CD300LB: variants seen among roughly 807,000 people sequenced by gnomAD.
The protein encoded by CD300LB is CMRF35-like molecule 7.
Under a neutral mutation model 20.8 loss-of-function variants are expected in CD300LB, and 18 were observed. The ratio of observed to expected loss-of-function variants is 0.87; its 90% CI spans 0.60 to 1.28. The LOEUF is 1.28. Among genes scored for constraint, CD300LB ranks in the 50% most tolerant of loss-of-function variants. The pLI, the probability that CD300LB is intolerant of heterozygous loss-of-function variation, is 0.00. For synonymous variants in CD300LB, 91 were observed against 91.3 expected (o/e 1.00, Z 0.02); for missense variants, 222 against 251.8 (o/e 0.88, Z 0.80).
chr17:74,527,125 A>G (rs953514454), intron 1 of CD300LB, among the ~76,000 whole-genome samples: 2 of 152,230 alleles, frequency 1.3e-5, no homozygotes, highest in Non-Finnish European at 2.9e-5. Context: ...ACTCTTCTTC[A>G]GTATTTTTTT....
At chr17:74,530,283 GT>G (rs1182449452) in intron 1 of CD300LB, among the ~76,000 whole-genome samples, 1 of 152,166 alleles carries the variant, frequency 6.6e-6, no homozygotes, top group Non-Finnish European at 1.5e-5. Flanking sequence ...ATTCTAGATT[GT>G]CCCCTAATGC....
chr17:74,523,566 C>G lies in CD300LB; in HGVS notation c.443+13G>C. 6.3e-7 allele frequency: 1 copy of G among 1,598,614 alleles called. No individual in the cohort carries two copies. The highest frequency in any genetic ancestry group is 8.6e-7 in the Non-Finnish European group (1 of 1,165,856). On this transcript the variant is annotated intron_variant, in intron 3 of 3. Coordinates refer to ENST00000392621, the MANE Select transcript of CD300LB (RefSeq NM_174892.4). Reference sequence around the variant, plus strand: ...CCCCAGGTAGGGGCAGGAGAAAGAACCACATGACTCACCTCTTGTGGGAGC... The same window carrying G: ...CCCCAGGTAGGGGCAGGAGAAAGAAGCACATGACTCACCTCTTGTGGGAGC...
chr17:74,523,187 A>G, intron 3 of CD300LB: 1 of 513,100 alleles, frequency 1.9e-6, no homozygotes, highest in Non-Finnish European at 3.5e-6. Flanking sequence ...CACCAAATAC[A>G]GGTTGTGTTT....
In CD300LB at chr17:74,521,799, G is replaced by A. The variant is rs111284272; in HGVS notation, c.*939C>T. ...GGGTCCCTCAACCATACAGCACAAA[G>A]TGACCACATTCAAGGGCCTCATCGC... On this transcript the variant is annotated 3_prime_UTR_variant, in exon 4 of 4. Transcript: ENST00000392621. 1 of 985,546 alleles carries A rather than the reference G, an allele frequency of 1.0e-6. No individual in the cohort carries two copies. Among genetic ancestry groups the A allele is most frequent in the Non-Finnish European group, 1.2e-6 (1 of 830,008 alleles). 61.1% of individuals were successfully genotyped at this position (985,546 alleles called of 1,614,324 possible).
Position 74,521,342 on chromosome 17 carries a change from C to T in CD300LB, c.*1396G>A, listed in dbSNP as rs1907873415. 5 of 985,430 alleles carry T rather than the reference C, an allele frequency of 5.1e-6. No homozygotes were observed. Among genetic ancestry groups the T allele is most frequent in the Non-Finnish European group, 4.8e-6 (4 of 829,914 alleles). 61.0% of individuals were successfully genotyped at this position (985,430 alleles called of 1,614,324 possible). On this transcript the variant is annotated 3_prime_UTR_variant, in exon 4 of 4. Transcript: ENST00000392621. The stretch of plus-strand genomic sequence containing the variant: ...CGGTGCCGTCCTCCCTGGGTCTGGT[C>T]GGATCTTCGGGAAGCTGGATCCAGG...
At position 74,531,376 on chromosome 17, in the gene CD300LB, C is replaced by T. The variant is rs774228960; in HGVS notation, c.-26G>A. ...GGCTCTGCCTTCCCGGCTCCTCGTC[C>T]GCCTGATCTGCAACCAGTGGCAAAT... On this transcript the variant is annotated 5_prime_UTR_variant, in exon 1 of 4. Coordinates refer to ENST00000392621, the MANE Select transcript of CD300LB (RefSeq NM_174892.4). The T allele has an allele frequency of 6.2e-6, 10 of 1,612,898 alleles. No homozygotes were observed. Among genetic ancestry groups the T allele is most frequent in the South Asian group, 3.3e-5 (3 of 90,984 alleles).
chr17:74,527,049 C>T (rs1567999903), intron 1 of CD300LB, among the ~76,000 whole-genome samples: 3 of 152,258 alleles, frequency 2.0e-5, no homozygotes, highest in Admixed American at 1.3e-4. Context: ...CAAAGACACA[C>T]TGGATGTCTC....
chr17:74,525,150 G>C (rs529499792), intron 2 of CD300LB, among the ~76,000 whole-genome samples: 1 of 152,264 alleles, frequency 6.6e-6, no homozygotes, highest in African/African-American at 2.4e-5. Flanking sequence ...TCTATCAGTA[G>C]AGTCCAAGGC....
chr17:74,528,808 A>G (rs111557083), intron 1 of CD300LB, among the ~76,000 whole-genome samples: 125 of 152,318 alleles, frequency 8.2e-4, no homozygotes, highest in African/African-American at 2.8e-3. Flanking sequence ...CAGTCATGCT[A>G]CGCTCTACTT....
At chr17:74,529,932 C>T (rs879271126) in intron 1 of CD300LB, among the ~76,000 whole-genome samples, 2 of 152,246 alleles carry the variant, frequency 1.3e-5, no homozygotes, top group Non-Finnish European at 2.9e-5. Flanking sequence ...CTGTAAATGG[C>T]TCACGATGTA....
intron 1 of CD300LB, among the ~76,000 whole-genome samples, chr17:74,527,506 A>G (rs148436548): frequency 2.6e-4 from 40 of 152,376 alleles, no homozygotes; most frequent in African/African-American, 9.1e-4. Context: ...CGTGGTTGGT[A>G]GAATAATGTC....
chr17:74,525,953 C>T lies in CD300LB; in HGVS notation c.165G>A (p.Trp55Ter). ...TTTCAATGAGGATCTTGCATGTATC[C>T]CAGCGCACCCCTCGGCACCACCACT... is the stretch of plus-strand genomic sequence containing the variant. The part of the protein sequence containing the change: ...YIKWWCRGVR[W>*]DTCKILIETR... The change falls in exon 2 of 4, where the codon TGG (tryptophan) becomes TGA (stop). Residue 55 changes from tryptophan to a stop codon, truncating the protein, a stop_gained. Coordinates refer to ENST00000392621, the MANE Select transcript of CD300LB (RefSeq NM_174892.4). LOFTEE classifies it high-confidence loss of function. 1.2e-6 allele frequency: 2 copies of T among 1,614,106 alleles called. No individual in the cohort carries two copies. The highest frequency in any genetic ancestry group is 1.1e-5 in the South Asian group (1 of 91,080).
At position 74,522,543 on chromosome 17, in the gene CD300LB, T is replaced by C. The variant is rs1444928640; in HGVS notation, c.*195A>G. On this transcript the variant is annotated 3_prime_UTR_variant, in exon 4 of 4. Transcript: ENST00000392621. ...GTGCTGGCACCCCAGGAGGTGATGG[T>C]GGCTCAGGAGAGGACCTGGCTAAGT... 1.5e-6 allele frequency: 2 copies of C among 1,368,824 alleles called. No homozygotes were observed. The highest frequency in any genetic ancestry group is 9.4e-7 in the Non-Finnish European group (1 of 1,058,714). The allele number at this position is 1,368,824 out of a possible 1,614,324, so 84.8% of individuals were successfully genotyped here.
In CD300LB at chr17:74,522,057, G is replaced by A; in HGVS notation, c.*681C>T. The A allele has an allele frequency of 1.0e-6, 1 of 985,476 alleles. No individual in the cohort carries two copies. The highest frequency in any genetic ancestry group is 1.2e-6 in the Non-Finnish European group (1 of 829,988). 61.0% of individuals were successfully genotyped at this position (985,476 alleles called of 1,614,324 possible). On this transcript the variant is annotated 3_prime_UTR_variant, in exon 4 of 4. Transcript: ENST00000392621. ...CAGCCCCTCGGAGGTGGGGGAATAG[G>A]CAGGGAGCTTGGGGAGCTAGGAGGA...
chr17:74,526,311 T>C (rs1302371210), intron 1 of CD300LB, among the ~76,000 whole-genome samples: 1 of 152,236 alleles, frequency 6.6e-6, no homozygotes, highest in Non-Finnish European at 1.5e-5. Context: ...CTTCTAGACC[T>C]GCTTAGCATG....
Position 74,521,447 on chromosome 17 carries a change from G to A in CD300LB, c.*1291C>T, listed in dbSNP as rs886910792. The A allele has an allele frequency of 8.1e-6, 8 of 985,496 alleles. No individual in the cohort carries two copies. Among genetic ancestry groups the A allele is most frequent in the Non-Finnish European group, 9.6e-6 (8 of 829,974 alleles). The allele number at this position is 985,496 out of a possible 1,614,324, so 61.0% of individuals were successfully genotyped here. A position where few individuals can be genotyped will look rare whatever the true frequency, so the allele number is the denominator to read the frequency against. On this transcript the variant is annotated 3_prime_UTR_variant, in exon 4 of 4. Transcript: ENST00000392621. ...TCACAGAATGACTCAGGGGATCTTA[G>A]CCGGGCTCGAACTCTCCTCTCTGGC...
At position 74,522,784 on chromosome 17, in the gene CD300LB, A is replaced by T; in HGVS notation, c.560T>A (p.Ile187Asn). Residue 187 changes from isoleucine (I) to asparagine (N), a missense_variant, in exon 4 of 4, where the codon ATC becomes AAC. Coordinates refer to ENST00000392621, the MANE Select transcript of CD300LB (RefSeq NM_174892.4). ...RVPEEPGEQP[I>N]YMNFSEPLTK... ...CAGAGGTTCGGAGAAGTTCATGTAG[A>T]TAGGCTGTTCCCCTGGCTCCTCAGG... The T allele has an allele frequency of 6.2e-7, 1 of 1,614,160 alleles. No individual in the cohort carries two copies. Among genetic ancestry groups the T allele is most frequent in the Non-Finnish European group, 8.5e-7 (1 of 1,180,020 alleles).
chr17:74,524,860 C>T (rs1266894973), intron 2 of CD300LB, among the ~76,000 whole-genome samples: 1 of 152,218 alleles, frequency 6.6e-6, no homozygotes, highest in Non-Finnish European at 1.5e-5. Context: ...CATAGATATT[C>T]TGGGTTTCCC....
Position 74,521,854 on chromosome 17 carries a change from C to A in CD300LB, c.*884G>T. On this transcript the variant is annotated 3_prime_UTR_variant, in exon 4 of 4. Coordinates refer to ENST00000392621, the MANE Select transcript of CD300LB (RefSeq NM_174892.4). ...GGTGAAGCCTGTGAGGAGACAGAACCACTTCCCTAGGACAGTTTTCATTAG... is the reference window on the plus strand; with the variant it reads ...GGTGAAGCCTGTGAGGAGACAGAACAACTTCCCTAGGACAGTTTTCATTAG... 1.0e-6 allele frequency: 1 copy of A among 985,502 alleles called. No individual in the cohort carries two copies. Among genetic ancestry groups the A allele is most frequent in the Non-Finnish European group, 1.2e-6 (1 of 829,960 alleles). The allele number at this position is 985,502 out of a possible 1,614,324, so 61.0% of individuals were successfully genotyped here.
Sources: allele counts gnomAD v4.1 joint callset (sites outside exome capture counted in the v4.1 genomes callset), GRCh38; gene constraint gnomAD v4.1.1; transcripts MANE v1.5; gene names NCBI Gene and HGNC (gene_info 2026-07-23, HGNC 2026-07-21).